MEGF9: variants seen among roughly 807,000 people sequenced by gnomAD.
The protein encoded by MEGF9 is multiple epidermal growth factor-like domains protein 9.
In MEGF9, 6 loss-of-function variants were observed where a neutral mutation model predicts 46.8. The observed-to-expected ratio is 0.13, with a 90% CI of 0.07 to 0.25. The LOEUF is 0.25. MEGF9 is among the 10% of genes least tolerant of loss of function. MEGF9 has a pLI of 1.00. For synonymous variants in MEGF9, 302 were observed against 330.7 expected, an observed-to-expected ratio of 0.91 and a Z score of 0.94; for missense variants, 683 against 792.4, an observed-to-expected ratio of 0.86 and a Z score of 1.66.
At chr9:120,646,171 C>A (rs746297855) in intron 2 of MEGF9, among the ~76,000 whole-genome samples, 19 of 152,160 alleles carry the variant, frequency 1.2e-4, no homozygotes, top group Non-Finnish European at 2.5e-4. Context: ...TGACTACTCT[C>A]CATATTTTAA....
intron 1 of MEGF9, among the ~76,000 whole-genome samples, chr9:120,663,032 A>G (rs1383523770): frequency 6.6e-6 from 1 of 152,214 alleles, no homozygotes; most frequent in Non-Finnish European, 1.5e-5. Flanking sequence ...TATTAATTAT[A>G]TATCCTTGGT....
chr9:120,648,177 T>A (rs553723357), intron 2 of MEGF9, among the ~76,000 whole-genome samples: 2 of 152,134 alleles, frequency 1.3e-5, no homozygotes, highest in Non-Finnish European at 2.9e-5. Context: ...ACAAGTCTGA[T>A]GTCACCTCTT....
chr9:120,627,682 C>T (rs771799253), intron 2 of MEGF9, among the ~76,000 whole-genome samples: 21 of 152,272 alleles, frequency 1.4e-4, no homozygotes, highest in Admixed American at 1.0e-3. Context: ...AGGCTGGTCT[C>T]GAACTCCTGA....
chr9:120,689,868 T>A, intron 1 of MEGF9: 5 of 490,896 alleles, frequency 1.0e-5, no homozygotes, highest in Non-Finnish European at 1.7e-5. Flanking sequence ...TACTTGCACA[T>A]TATGTCAATA....
chr9:120,691,409 C>T (rs762630129), intron 1 of MEGF9: 22 of 482,722 alleles, frequency 4.6e-5, no homozygotes, highest in Admixed American at 2.6e-4. Context: ...AGTATCTTTA[C>T]GTTACTCTCA....
At chr9:120,616,536 G>T (rs993940514) in intron 3 of MEGF9, among the ~76,000 whole-genome samples, 2 of 151,892 alleles carry the variant, frequency 1.3e-5, no homozygotes, top group Admixed American at 1.3e-4. Context: ...AAAATTAGCC[G>T]GGAATGGTGG....
intron 2 of MEGF9, among the ~76,000 whole-genome samples, chr9:120,630,344 T>C (rs993526343): frequency 2.6e-5 from 4 of 152,232 alleles, no homozygotes; most frequent in South Asian, 2.1e-4. Context: ...CCATGAATGA[T>C]AGAATTTCAT....
intron 3 of MEGF9, among the ~76,000 whole-genome samples, chr9:120,617,685 T>A (rs2043478371): frequency 6.6e-6 from 1 of 152,170 alleles, no homozygotes; most frequent in Admixed American, 6.5e-5. Flanking sequence ...GGAGACTAAC[T>A]GTGGTGGGGT....
At chr9:120,678,656 T>G (rs2043784301) in intron 1 of MEGF9, among the ~76,000 whole-genome samples, 1 of 152,146 alleles carries the variant, frequency 6.6e-6, no homozygotes, top group African/African-American at 2.4e-5. Flanking sequence ...TGTATTTCAG[T>G]AGAGATGGGG....
At chr9:120,647,034 G>A (rs2043628858) in intron 2 of MEGF9, among the ~76,000 whole-genome samples, 1 of 151,990 alleles carries the variant, frequency 6.6e-6, no homozygotes, top group Non-Finnish European at 1.5e-5. Context: ...AATGAAATAA[G>A]TAGAGGAGTC....
At chr9:120,709,187 G>A (rs2132347411) in intron 1 of MEGF9, among the ~76,000 whole-genome samples, 1 of 152,266 alleles carries the variant, frequency 6.6e-6, no homozygotes, top group African/African-American at 2.4e-5. Context: ...AGCACTTTCG[G>A]AGGCTGAAGC....
chr9:120,643,130 T>G (rs2043610469), intron 2 of MEGF9, among the ~76,000 whole-genome samples: 1 of 152,084 alleles, frequency 6.6e-6, no homozygotes, highest in Non-Finnish European at 1.5e-5. Context: ...GATTGACAAA[T>G]TTAGGTATTT....
chr9:120,662,965 T>A (rs917557609), intron 1 of MEGF9, among the ~76,000 whole-genome samples: 2 of 152,140 alleles, frequency 1.3e-5, no homozygotes, highest in Non-Finnish European at 2.9e-5. Context: ...TTAAAATACA[T>A]TGGTAAAAAC....
intron 1 of MEGF9, among the ~76,000 whole-genome samples, chr9:120,678,508 T>G (rs779018633): frequency 6.6e-6 from 1 of 152,228 alleles, no homozygotes. Flanking sequence ...AGTCTCACTG[T>G]GTCGCCCAGG....
At chr9:120,619,645 T>C (rs2043489441) in intron 3 of MEGF9, among the ~76,000 whole-genome samples, 1 of 152,236 alleles carries the variant, frequency 6.6e-6, no homozygotes, top group African/African-American at 2.4e-5. Context: ...TGCCTAACTT[T>C]TTAAAATTGT....
intron 3 of MEGF9, among the ~76,000 whole-genome samples, chr9:120,619,084 A>G (rs1331935687): frequency 1.3e-5 from 2 of 151,924 alleles, no homozygotes; most frequent in Non-Finnish European, 2.9e-5. Context: ...AGTGGCTCAC[A>G]TCTGTAATCC....
At chr9:120,710,103 T>C (rs947336547) in intron 1 of MEGF9, among the ~76,000 whole-genome samples, 8 of 149,904 alleles carry the variant, frequency 5.3e-5, no homozygotes, top group African/African-American at 2.0e-4. Flanking sequence ...TTACCTCTGG[T>C]ATCACAGCAT....
chr9:120,620,782 G>A (rs1190614743), intron 3 of MEGF9, among the ~76,000 whole-genome samples: 1 of 151,642 alleles, frequency 6.6e-6, no homozygotes, highest in Non-Finnish European at 1.5e-5. Flanking sequence ...AGTCTGACTG[G>A]ATCACAGATG....
chr9:120,666,647 A>G (rs2043726475), intron 1 of MEGF9, among the ~76,000 whole-genome samples: 1 of 152,206 alleles, frequency 6.6e-6, no homozygotes, highest in South Asian at 2.1e-4. Context: ...ACTCCTAGGT[A>G]TTTATCTGAG....
Sources: allele counts gnomAD v4.1 joint callset (sites outside exome capture counted in the v4.1 genomes callset), GRCh38; gene constraint gnomAD v4.1.1; transcripts MANE v1.5; gene names NCBI Gene and HGNC (gene_info 2026-07-23, HGNC 2026-07-21).